Variants in FHIT observed in about 807,000 individuals in gnomAD.
FHIT encodes bis(5'-adenosyl)-triphosphatase.
Under a neutral mutation model 17.9 loss-of-function variants are expected in FHIT, and 19 were observed. The ratio of observed to expected loss-of-function variants is 1.06; its 90% CI spans 0.74 to 1.56. FHIT has a LOEUF of 1.56. Among genes scored for constraint, FHIT ranks in the 40% most tolerant of loss-of-function variants. The probability of loss-of-function intolerance (pLI) is 0.00; values close to 1 mark genes in which losing one functional copy is unlikely to be tolerated. For missense variants in FHIT, 248 were observed against 189.2 expected (o/e 1.31, Z -1.82); for synonymous variants, 81 against 69.7 (o/e 1.16, Z -0.81).
At chr3:61,088,663 C>A (rs2035379890) in intron 2 of FHIT, among the ~76,000 whole-genome samples, 1 of 152,048 alleles carries the variant, frequency 6.6e-6, no homozygotes, top group Non-Finnish European at 1.5e-5. Context: ...TCACCAATGC[C>A]AAGAAAATTT....
chr3:60,911,677 A>G lies in FHIT; in HGVS notation c.-110-89666T>C, dbSNP rs115989593. 5.2e-3 allele frequency among the ~76,000 whole-genome samples: 786 copies of G among 152,320 alleles called. 6 individuals carry two copies. The highest frequency in any genetic ancestry group is 0.018 in the African/African-American group (736 of 41,560). ...CCAGCAAGTGAAGAGATGTCCTGGC[A>G]GTCTAATTTCAAACAGGCCTCATAC... On this transcript the variant is annotated intron_variant, in intron 3 of 9. Transcript: ENST00000492590.
chr3:59,825,921 C>T (rs770296766), intron 8 of FHIT, among the ~76,000 whole-genome samples: 8 of 152,174 alleles, frequency 5.3e-5, no homozygotes, highest in Non-Finnish European at 1.2e-4. Context: ...AGCCATCCAT[C>T]TATGCATTTA....
chr3:59,911,325 A>G (rs680884), intron 8 of FHIT, among the ~76,000 whole-genome samples: 2 of 152,192 alleles, frequency 1.3e-5, no homozygotes, highest in Non-Finnish European at 2.9e-5. Flanking sequence ...TAATGCAGGT[A>G]AGAGCATTTT....
chr3:60,989,632 T>A (rs2030006392), intron 3 of FHIT, among the ~76,000 whole-genome samples: 1 of 152,202 alleles, frequency 6.6e-6, no homozygotes, highest in East Asian at 1.9e-4. Context: ...AGTGAGGCTG[T>A]TAATCCCTCC....
intron 5 of FHIT, among the ~76,000 whole-genome samples, chr3:60,323,766 T>A (rs1018147034): frequency 6.6e-6 from 1 of 152,190 alleles, no homozygotes; most frequent in African/African-American, 2.4e-5. Flanking sequence ...TTGCCACAGA[T>A]AGACAGCTAA....
chr3:59,857,705 G>GGTTTTTTT (rs1322924192), intron 8 of FHIT, among the ~76,000 whole-genome samples: 11 of 115,438 alleles, frequency 9.5e-5, no homozygotes, highest in African/African-American at 2.2e-4. Context: ...AAAGTGCTGG[G>GGTTTTTTT]TTTTTTTTTT....
chr3:60,891,876 C>G (rs1190171773), intron 3 of FHIT, among the ~76,000 whole-genome samples: 3 of 152,128 alleles, frequency 2.0e-5, no homozygotes, highest in Non-Finnish European at 4.4e-5. Context: ...GTTAAGTGAG[C>G]AAACAAGGAA....
chr3:60,378,890 G>A (rs985598281), intron 5 of FHIT, among the ~76,000 whole-genome samples: 3 of 152,138 alleles, frequency 2.0e-5, no homozygotes, highest in Non-Finnish European at 4.4e-5. Context: ...AAGATCAAAC[G>A]TGGATTCAAA....
intron 5 of FHIT, among the ~76,000 whole-genome samples, chr3:60,256,165 C>T (rs992734264): frequency 1.3e-5 from 2 of 152,098 alleles, no homozygotes; most frequent in Admixed American, 6.5e-5. Context: ...CCTTAAATTC[C>T]CCATCGTGCC....
chr3:60,865,197 G>A lies in FHIT; in HGVS notation c.-110-43186C>T, dbSNP rs527311719. Reference sequence around the variant, plus strand: ...AAAAATTCTCCCATTTCTGTCTGACGTTGAAAAAAATCATAGGTATTTGGC... The same window carrying A: ...AAAAATTCTCCCATTTCTGTCTGACATTGAAAAAAATCATAGGTATTTGGC... On this transcript the variant is annotated intron_variant, in intron 3 of 9. Coordinates refer to ENST00000492590, the MANE Select transcript of FHIT (RefSeq NM_002012.4). Among the ~76,000 whole-genome samples the A allele has an allele frequency of 2.6e-5, 4 of 152,140 alleles. No individual in the cohort carries two copies. The South Asian group carries it at 6.2e-4, about 24-fold the overall frequency.
At chr3:60,464,135 T>G (rs1459881355) in intron 5 of FHIT, among the ~76,000 whole-genome samples, 3 of 152,152 alleles carry the variant, frequency 2.0e-5, no homozygotes, top group African/African-American at 7.2e-5. Flanking sequence ...CTGAGTTCAC[T>G]AAAAGATCTT....
intron 4 of FHIT, among the ~76,000 whole-genome samples, chr3:60,550,211 G>C (rs1357554677): frequency 6.6e-6 from 1 of 152,070 alleles, no homozygotes; most frequent in Non-Finnish European, 1.5e-5. Flanking sequence ...TGATGACTTG[G>C]AAAACAAGGC....
chr3:60,744,935 A>T (rs2042326997), intron 4 of FHIT, among the ~76,000 whole-genome samples: 1 of 152,116 alleles, frequency 6.6e-6, no homozygotes, highest in South Asian at 2.1e-4. Flanking sequence ...AGTCAAAACA[A>T]CCATAGTCCC....
chr3:60,092,964 A>C (rs1266169769), intron 5 of FHIT, among the ~76,000 whole-genome samples: 1 of 152,202 alleles, frequency 6.6e-6, no homozygotes, highest in Non-Finnish European at 1.5e-5. Context: ...GAGAAGAAAA[A>C]ATTCCAAATG....
intron 8 of FHIT, among the ~76,000 whole-genome samples, chr3:59,877,069 T>A (rs1327447716): frequency 6.6e-6 from 1 of 152,190 alleles, no homozygotes; most frequent in African/African-American, 2.4e-5. Flanking sequence ...GACCATGAAG[T>A]GTGCTAACCT....
At chr3:61,139,131 G>A (rs999350659) in intron 2 of FHIT, among the ~76,000 whole-genome samples, 4 of 150,338 alleles carry the variant, frequency 2.7e-5, no homozygotes, top group East Asian at 2.0e-4. Flanking sequence ...CTGGGTTCAC[G>A]CCATTCTCCT....
intron 7 of FHIT, among the ~76,000 whole-genome samples, chr3:59,990,794 C>G (rs1709193023): frequency 1.3e-5 from 2 of 152,006 alleles, no homozygotes; most frequent in African/African-American, 2.4e-5. Flanking sequence ...AAGTGATCTA[C>G]TGGCATTTTA....
intron 1 of FHIT, among the ~76,000 whole-genome samples, chr3:61,250,805 G>C (rs2040604130): frequency 6.6e-6 from 1 of 152,194 alleles, no homozygotes; most frequent in Non-Finnish European, 1.5e-5. Flanking sequence ...TGTTTTTGAA[G>C]TAGTAATGTA....
chr3:59,898,316 C>CA (rs1704165103), intron 8 of FHIT, among the ~76,000 whole-genome samples: 1 of 151,702 alleles, frequency 6.6e-6, no homozygotes, highest in Non-Finnish European at 1.5e-5. Flanking sequence ...TTTCCCAATC[C>CA]AAAAAAAATC....
Sources: gnomAD v4.1 joint callset for allele counts (sites outside exome capture counted in the v4.1 genomes callset) on GRCh38, gnomAD v4.1.1 for gene constraint, MANE v1.5 for transcripts, NCBI Gene and HGNC (gene_info 2026-07-23, HGNC 2026-07-21) for gene names.